The following NKAIN3 variants were observed in gnomAD, a reference collection of about 807,000 sequenced individuals.
NKAIN3 encodes the protein sodium/potassium-transporting ATPase subunit beta-1-interacting protein 3.
NKAIN3 carries 25 observed loss-of-function variants against 30.2 expected under a neutral mutation model. The ratio of observed to expected loss-of-function variants is 0.83; its 90% confidence interval spans 0.60 to 1.16. NKAIN3 has a LOEUF of 1.16. Ranked by LOEUF, NKAIN3 falls within the 50% of genes most tolerant of loss-of-function variation. The pLI is 0.00. For missense variants in NKAIN3, 225 were observed against 254.1 expected (o/e 0.89, Z 0.78); for synonymous variants, 91 against 89.6 (o/e 1.02, Z -0.09).
intron 6 of NKAIN3, among the ~76,000 whole-genome samples, chr8:62,955,011 A>G (rs1823383625): frequency 6.6e-6 from 1 of 152,166 alleles, no homozygotes; most frequent in Non-Finnish European, 1.5e-5. Context: ...TATAATAAAC[A>G]CATATGAAAA....
chr8:62,958,515 A>ATCAGAAC (rs1399121412), intron 6 of NKAIN3, among the ~76,000 whole-genome samples: 2 of 152,158 alleles, frequency 1.3e-5, no homozygotes, highest in African/African-American at 2.4e-5. Flanking sequence ...TGCTCTTATC[A>ATCAGAAC]TCAGAACCCA....
chr8:62,404,643 G>A (rs969340226), intron 1 of NKAIN3, among the ~76,000 whole-genome samples: 1 of 152,076 alleles, frequency 6.6e-6, no homozygotes, highest in African/African-American at 2.4e-5. Context: ...AGCCTCCCCT[G>A]CCCTGCAGAA....
chr8:62,434,681 C>T (rs960042876), intron 1 of NKAIN3, among the ~76,000 whole-genome samples: 2 of 152,030 alleles, frequency 1.3e-5, no homozygotes, highest in African/African-American at 4.8e-5. Flanking sequence ...AAGGAGATGC[C>T]ACTGTATTAA....
At chr8:62,562,858 C>T (rs1809631185) in intron 1 of NKAIN3, among the ~76,000 whole-genome samples, 1 of 152,098 alleles carries the variant, frequency 6.6e-6, no homozygotes. Flanking sequence ...AAAAGAAGAA[C>T]TCCTTGCAGG....
chr8:62,578,043 T>C (rs1811499397), intron 1 of NKAIN3, among the ~76,000 whole-genome samples: 2 of 152,110 alleles, frequency 1.3e-5, no homozygotes, highest in African/African-American at 2.4e-5. Context: ...CATTTTCATT[T>C]CAAAGCTGCA....
chr8:62,673,919 GT>G (rs1445749512), intron 3 of NKAIN3, among the ~76,000 whole-genome samples: 1 of 152,132 alleles, frequency 6.6e-6, no homozygotes, highest in East Asian at 1.9e-4. Flanking sequence ...TTGCTCTCTG[GT>G]TTAAAACCTA....
chr8:62,257,937 A>G (rs999273331), intron 1 of NKAIN3, among the ~76,000 whole-genome samples: 2 of 152,092 alleles, frequency 1.3e-5, no homozygotes, highest in African/African-American at 4.8e-5. Context: ...TCCTTAGGAG[A>G]ATAATCTATA....
At chr8:62,282,210 A>G (rs1012399703) in intron 1 of NKAIN3, among the ~76,000 whole-genome samples, 9 of 152,098 alleles carry the variant, frequency 5.9e-5, no homozygotes, top group African/African-American at 2.2e-4. Flanking sequence ...GGAGCTGACA[A>G]GTCTTGAGAT....
intron 1 of NKAIN3, among the ~76,000 whole-genome samples, chr8:62,439,054 G>A (rs984066207): frequency 9.2e-5 from 14 of 152,154 alleles, no homozygotes; most frequent in African/African-American, 2.9e-4. Context: ...GGCAAATTAG[G>A]CAAGACCTCC....
At chr8:62,280,398 C>T (rs937047290) in intron 1 of NKAIN3, among the ~76,000 whole-genome samples, 2 of 152,048 alleles carry the variant, frequency 1.3e-5, no homozygotes, top group African/African-American at 2.4e-5. Flanking sequence ...CTGGCCAGAT[C>T]GTCCAACATT....
intron 3 of NKAIN3, among the ~76,000 whole-genome samples, chr8:62,725,788 ATT>A: frequency 6.6e-6 from 1 of 151,744 alleles, no homozygotes; most frequent in Non-Finnish European, 1.5e-5. Flanking sequence ...GATTCCTTCC[ATT>A]TTGCTCTTTC....
At chr8:62,938,084 A>T (rs1585598099) in intron 5 of NKAIN3, among the ~76,000 whole-genome samples, 1 of 152,012 alleles carries the variant, frequency 6.6e-6, no homozygotes. Flanking sequence ...GACACGCCTA[A>T]CCCTGCCACC....
intron 3 of NKAIN3, among the ~76,000 whole-genome samples, chr8:62,704,267 A>G (rs904846696): frequency 6.6e-6 from 1 of 152,104 alleles, no homozygotes; most frequent in Non-Finnish European, 1.5e-5. Flanking sequence ...TTACATTACA[A>G]TATGTTTCAT....
At chr8:62,695,880 T>C (rs1235221673) in intron 3 of NKAIN3, among the ~76,000 whole-genome samples, 4 of 152,154 alleles carry the variant, frequency 2.6e-5, no homozygotes, top group Non-Finnish European at 2.9e-5. Flanking sequence ...TTGGAGAGCA[T>C]ACAATAGGAA....
At chr8:62,919,272 T>C (rs1166590454) in intron 5 of NKAIN3, among the ~76,000 whole-genome samples, 3 of 115,726 alleles carry the variant, frequency 2.6e-5, no homozygotes, top group Non-Finnish European at 5.1e-5. Flanking sequence ...TGAGACGGAG[T>C]CTCCCTCTGT....
rs779073213 is a variant in NKAIN3, at chr8:62,918,516, A to G, written c.532+3A>G. ...TTCCATGGAAGAAGAAGACACATGT[A>G]AGTACTGTTTTCTCTCTCCCTGTGG... On this transcript the variant is annotated splice_donor_region_variant and intron_variant, in intron 5 of 6. Coordinates refer to ENST00000623646, the MANE Select transcript of NKAIN3 (RefSeq NM_001304533.3). 6.2e-7 allele frequency: 1 copy of G among 1,605,602 alleles called. No homozygotes were observed. The highest frequency in any genetic ancestry group is 8.5e-7 in the Non-Finnish European group (1 of 1,172,514).
intron 4 of NKAIN3, among the ~76,000 whole-genome samples, chr8:62,890,450 G>A (rs1301349300): frequency 1.3e-5 from 2 of 152,118 alleles, no homozygotes; most frequent in Admixed American, 6.5e-5. Context: ...CTCTGTTCAG[G>A]CCAGTTCTTC....
chr8:62,497,295 A>T (rs766617925), intron 1 of NKAIN3, among the ~76,000 whole-genome samples: 12 of 152,100 alleles, frequency 7.9e-5, no homozygotes, highest in Admixed American at 1.3e-4. Context: ...TAAACATAGG[A>T]TGTCTGTCTC....
intron 3 of NKAIN3, among the ~76,000 whole-genome samples, chr8:62,705,763 T>C (rs1586109868): frequency 6.6e-6 from 1 of 152,164 alleles, no homozygotes; most frequent in African/African-American, 2.4e-5. Context: ...TATTTTGTTG[T>C]TGTTTGAGTT....
Sources: gnomAD v4.1 joint callset for allele counts (sites outside exome capture counted in the v4.1 genomes callset) on GRCh38, gnomAD v4.1.1 for gene constraint, MANE v1.5 for transcripts, NCBI Gene and HGNC (gene_info 2026-07-23, HGNC 2026-07-21) for gene names.